The following CTDSPL2 variants were observed in gnomAD, a reference collection of about 807,000 sequenced individuals.
CTDSPL2 encodes CTD small phosphatase-like protein 2.
CTDSPL2 carries 5 observed loss-of-function variants against 60.0 expected under a neutral mutation model. The observed-to-expected ratio is 0.08, with a 90% CI of 0.04 to 0.18. The LOEUF is 0.18. Ranked by LOEUF, CTDSPL2 falls within the 10% of genes least tolerant of loss-of-function variation. The pLI is 1.00. For missense variants in CTDSPL2, 370 were observed against 548.8 expected, an observed-to-expected ratio of 0.67 and a Z score of 3.26; for synonymous variants, 186 against 189.3, an observed-to-expected ratio of 0.98 and a Z score of 0.14.
At chr15:44,450,877 C>A (rs923836247) in intron 1 of CTDSPL2, among the ~76,000 whole-genome samples, 1 of 151,788 alleles carries the variant, frequency 6.6e-6, no homozygotes, top group Non-Finnish European at 1.5e-5. Context: ...GGATTACAGG[C>A]GTGAGCCACT....
intron 1 of CTDSPL2, among the ~76,000 whole-genome samples, chr15:44,444,574 G>C (rs1014376539): frequency 7.9e-5 from 12 of 151,868 alleles, no homozygotes; most frequent in Middle Eastern, 6.8e-3. Flanking sequence ...TTGAACTCCT[G>C]AGCTCAGGCG....
chr15:44,457,376 C>T (rs1217394410), intron 1 of CTDSPL2, among the ~76,000 whole-genome samples: 1 of 152,212 alleles, frequency 6.6e-6, no homozygotes, highest in Non-Finnish European at 1.5e-5. Flanking sequence ...CCTTGCACAT[C>T]TATATTATGG....
chr15:44,463,966 C>T (rs1464779886), intron 2 of CTDSPL2, among the ~76,000 whole-genome samples: 1 of 152,134 alleles, frequency 6.6e-6, no homozygotes, highest in African/African-American at 2.4e-5. Flanking sequence ...ATAATAATAA[C>T]CTACCCAGGT....
At chr15:44,505,737 A>C (rs2081450083) in intron 8 of CTDSPL2, among the ~76,000 whole-genome samples, 1 of 146,650 alleles carries the variant, frequency 6.8e-6, no homozygotes, top group Non-Finnish European at 1.5e-5. Flanking sequence ...CTGTCTCCCA[A>C]AAAAAAAAAA....
In CTDSPL2 at chr15:44,484,984, A is replaced by G. The variant is rs575021851; in HGVS notation, c.325+622A>G. Among the ~76,000 whole-genome samples, 71 of 152,330 alleles carry G rather than the reference A, an allele frequency of 4.7e-4. No individual in the cohort carries two copies. In the South Asian group the frequency reaches 0.011, roughly 24 times the overall value. Reference sequence around the variant, plus strand: ...TTGTGACTTAATTTAATTGAAATATATACCAAATTTCTTCCTAGATTATTC... The same window carrying G: ...TTGTGACTTAATTTAATTGAAATATGTACCAAATTTCTTCCTAGATTATTC... On this transcript the variant is annotated intron_variant, in intron 3 of 12. Transcript: ENST00000260327.
intron 1 of CTDSPL2, among the ~76,000 whole-genome samples, chr15:44,450,790 G>A (rs1255910315): frequency 1.3e-5 from 2 of 151,362 alleles, no homozygotes; most frequent in Non-Finnish European, 2.9e-5. Flanking sequence ...GAGAAGGGGC[G>A]TTTCACCATG....
chr15:44,511,886 A>AG (rs1567102115), intron 8 of CTDSPL2, among the ~76,000 whole-genome samples: 1 of 151,182 alleles, frequency 6.6e-6, no homozygotes. Flanking sequence ...AAAAAAAAAA[A>AG]AAAAAAGAAA....
At chr15:44,502,080 A>G (rs985554007) in intron 8 of CTDSPL2, 8 of 412,548 alleles carry the variant, frequency 1.9e-5, no homozygotes, top group East Asian at 7.3e-5. Context: ...TAACCACTGT[A>G]CTATGATGTG....
At chr15:44,482,819 A>T (rs1457779207) in intron 2 of CTDSPL2, among the ~76,000 whole-genome samples, 1 of 152,232 alleles carries the variant, frequency 6.6e-6, no homozygotes, top group Non-Finnish European at 1.5e-5. Context: ...AACATTAAAT[A>T]CAAAAAAGTA....
intron 7 of CTDSPL2, among the ~76,000 whole-genome samples, chr15:44,497,881 C>T (rs1331243226): frequency 1.3e-5 from 2 of 152,068 alleles, no homozygotes; most frequent in Non-Finnish European, 2.9e-5. Context: ...CCTGTAATCT[C>T]AGCTACTCTG....
chr15:44,517,075 T>C (rs1474891331), intron 10 of CTDSPL2, among the ~76,000 whole-genome samples: 1 of 151,248 alleles, frequency 6.6e-6, no homozygotes, highest in Admixed American at 6.6e-5. Flanking sequence ...CCTGACCTCG[T>C]GATCCGCCCA....
chr15:44,462,564 GGA>G (rs1423504736), intron 2 of CTDSPL2, among the ~76,000 whole-genome samples: 6 of 151,962 alleles, frequency 3.9e-5, no homozygotes, highest in Admixed American at 3.9e-4. Context: ...TGATCTGACA[GGA>G]GATAGGGCTT....
chr15:44,506,670 C>T (rs903172906), intron 8 of CTDSPL2, among the ~76,000 whole-genome samples: 1 of 152,022 alleles, frequency 6.6e-6, no homozygotes. Flanking sequence ...CCAGTTCAGA[C>T]TCCCAAAGTG....
chr15:44,431,587 T>C (rs1390732134), intron 1 of CTDSPL2, among the ~76,000 whole-genome samples: 2 of 152,204 alleles, frequency 1.3e-5, no homozygotes, highest in African/African-American at 4.8e-5. Context: ...CTTTAAAAAT[T>C]GTCTTTTGTT....
In CTDSPL2 at chr15:44,459,139, C is replaced by G. The variant is rs200841761; in HGVS notation, c.125C>G (p.Ser42Trp). 1.2e-6 allele frequency: 2 copies of G among 1,612,308 alleles called. No individual in the cohort carries two copies. The highest frequency in any genetic ancestry group is 2.2e-5 in the East Asian group (1 of 44,674). ...DSLPSGGEKPSKNETGLLSSI... is the reference protein window; with the variant it reads ...DSLPSGGEKPWKNETGLLSSI... ...CTGCCTTCAGGAGGAGAAAAACCATCGAAGAATGAAACCGGCTTGTTGTCT... is the reference window on the plus strand; with the variant it reads ...CTGCCTTCAGGAGGAGAAAAACCATGGAAGAATGAAACCGGCTTGTTGTCT... Residue 42 changes from serine (S) to tryptophan (W), a missense_variant, in exon 2 of 13, where the codon TCG becomes TGG. This residue lies in a region of CTDSPL2 where 287 missense variants were observed against 296.1 expected (regional missense o/e 0.97). Transcript: ENST00000260327.
intron 3 of CTDSPL2, 61 bp from the exon 4 acceptor site, chr15:44,486,490 T>A: frequency 8.3e-7 from 1 of 1,204,130 alleles, no homozygotes; most frequent in Admixed American, 2.6e-5. Flanking sequence ...GAATGATTTA[T>A]AACACACTTC....
Position 44,484,231 on chromosome 15 carries a change from G to C in CTDSPL2, c.194G>C (p.Arg65Thr). ...TTTCTCTTATATCTTAAGGAAGAGA[G>C]AGAAAATCCTTCAAAACGGAGTAGA... is the stretch of plus-strand genomic sequence containing the variant. ...FIKGSTPKEE[R>T]ENPSKRSRIE... Residue 65 changes from arginine (R) to threonine (T), a missense_variant, in exon 3 of 13, where the codon AGA becomes ACA. Physicochemically the swap from Arg to Thr is moderately conservative, Grantham distance 71. Transcript: ENST00000260327. The C allele has an allele frequency of 6.2e-7, 1 of 1,608,668 alleles. No individual in the cohort carries two copies. Among genetic ancestry groups the C allele is most frequent in the Non-Finnish European group, 8.5e-7 (1 of 1,177,694 alleles).
Position 44,497,153 on chromosome 15 carries a change from TGTAGAG to T in CTDSPL2, c.882+22_882+27del, listed in dbSNP as rs771912301. 2.1e-6 allele frequency: 3 copies of T among 1,420,020 alleles called. No homozygotes were observed. The highest frequency in any genetic ancestry group is 3.0e-6 in the Non-Finnish European group (3 of 1,011,696). The allele number at this position is 1,420,020 out of a possible 1,614,324, so 88.0% of individuals were successfully genotyped here. ...TTTTAGACTTGGTAAGTATATTATC[TGTAGAG>T]GTAGAGAGAATAAAGGGGTGAAATT... is the stretch of plus-strand genomic sequence containing the variant. On this transcript the variant is annotated intron_variant, in intron 7 of 12. Transcript: ENST00000260327.
chr15:44,433,457 TATAC>T (rs932046563), intron 1 of CTDSPL2, among the ~76,000 whole-genome samples: 11 of 101,284 alleles, frequency 1.1e-4, no homozygotes, highest in African/African-American at 3.9e-4. Flanking sequence ...TATACATATA[TATAC>T]ACACACACAC....
Sources: allele counts gnomAD v4.1 joint callset (sites outside exome capture counted in the v4.1 genomes callset), GRCh38; gene constraint gnomAD v4.1.1; regional missense constraint gnomAD v4.1.1; transcripts MANE v1.5; gene names NCBI Gene and HGNC (gene_info 2026-07-23, HGNC 2026-07-21).